Variants in TPTE2 observed in about 807,000 individuals in gnomAD.
TPTE2 encodes the protein phosphatidylinositol 3,4,5-trisphosphate 3-phosphatase TPTE2.
TPTE2 carries 53 observed loss-of-function variants against 78.6 expected under a neutral mutation model. That is an observed-to-expected ratio of 0.67 (90% CI 0.54 to 0.85). The LOEUF is 0.85. Among genes scored for constraint, TPTE2 ranks in the 40% least tolerant of loss-of-function variants. The probability of loss-of-function intolerance (pLI) is 0.00; values close to 1 mark genes in which losing one functional copy is unlikely to be tolerated. For missense variants in TPTE2, 461 were observed against 623.0 expected, an observed-to-expected ratio of 0.74 and a Z score of 2.77; for synonymous variants, 175 against 206.2, an observed-to-expected ratio of 0.85 and a Z score of 1.30.
chr13:19,526,085 G>C (rs2101502), intron 1 of TPTE2, among the ~76,000 whole-genome samples: 35,910 of 151,860 alleles, frequency 0.24, 5,914 homozygotes, highest in African/African-American at 0.47. Flanking sequence ...TACACTACTG[G>C]TGGATATGTA....
chr13:19,536,780 A>G (rs1169399783), upstream of TPTE2: 1 of 151,990 alleles, frequency 6.6e-6, no homozygotes, highest in Non-Finnish European at 1.5e-5. Flanking sequence ...CTTGCTTCCC[A>G]GTCCTTATCT....
In TPTE2 at chr13:19,454,085, C is replaced by T. The variant is rs1478233222; in HGVS notation, c.742-2860G>A. ...GTAGCAGTGGCCAAACTTGTTGATG[C>T]TTCCACCGTAGTGCTTGTTTCTCCA... On this transcript the variant is annotated intron_variant, in intron 10 of 19. Transcript: ENST00000400230. Among the ~76,000 whole-genome samples the T allele has an allele frequency of 1.5e-4, 23 of 152,312 alleles. No individual in the cohort carries two copies. In the East Asian group the frequency reaches 3.3e-3, roughly 22 times the overall value.
chr13:19,543,371 T>C, the TPTE2 span, among the ~76,000 whole-genome samples: 5 of 87,234 alleles, frequency 5.7e-5, no homozygotes, highest in African/African-American at 1.6e-4. Flanking sequence ...TTTTTTTTTT[T>C]CTTAAGAGAG....
chr13:19,502,695 G>A (rs1259868483), intron 1 of TPTE2, among the ~76,000 whole-genome samples: 1 of 151,690 alleles, frequency 6.6e-6, no homozygotes, highest in Non-Finnish European at 1.5e-5. Flanking sequence ...TATACCTAAT[G>A]CTAGATGATG....
At chr13:19,510,738 T>C (rs1362969246) in intron 1 of TPTE2, among the ~76,000 whole-genome samples, 1 of 152,104 alleles carries the variant, frequency 6.6e-6, no homozygotes, top group African/African-American at 2.4e-5. Context: ...TATTCTAAAA[T>C]ATAAAATATT....
chr13:19,493,387 G>A (rs772301982), intron 2 of TPTE2, 61 bp downstream of exon 5: 1 of 1,466,218 alleles, frequency 6.8e-7, no homozygotes, highest in Non-Finnish European at 9.6e-7. Flanking sequence ...GCCTGTGTGT[G>A]TGTATAGTTC....
chr13:19,495,143 A>G (rs1261187959), intron 1 of TPTE2, among the ~76,000 whole-genome samples: 1 of 151,732 alleles, frequency 6.6e-6, no homozygotes, highest in Non-Finnish European at 1.5e-5. Context: ...ACCTCCAATC[A>G]CCTCCTCACT....
chr13:19,468,025 CTTTTTTTTTTTTTTTTTT>C (rs71092364), intron 6 of TPTE2, among the ~76,000 whole-genome samples: 1 of 45,538 alleles, frequency 2.2e-5, no homozygotes, highest in African/African-American at 9.4e-5. Flanking sequence ...GACAGGATCT[CTTTTTTTTTTTTTTTTTT>C]TTTTTTTTTT....
chr13:19,425,061 T>A, intron 18 of TPTE2, 44 bp from the exon 22 acceptor site: 1 of 969,682 alleles, frequency 1.0e-6, no homozygotes, highest in Non-Finnish European at 1.6e-6. Flanking sequence ...CACCAGGAAC[T>A]AATCATTCCA....
the TPTE2 span, among the ~76,000 whole-genome samples, chr13:19,554,813 A>G: frequency 6.6e-6 from 1 of 152,196 alleles, no homozygotes; most frequent in Admixed American, 6.5e-5. Flanking sequence ...ATGTGCAGAA[A>G]TGTGTCTAAC....
the TPTE2 span, among the ~76,000 whole-genome samples, chr13:19,542,894 G>C: frequency 6.6e-6 from 1 of 151,732 alleles, no homozygotes; most frequent in Non-Finnish European, 1.5e-5. Context: ...GGAAGGCTGC[G>C]GTGGGAGAAT....
upstream of TPTE2, chr13:19,503,393 G>A (rs1407725159): frequency 1.8e-6 from 2 of 1,083,714 alleles, no homozygotes; most frequent in Non-Finnish European, 2.7e-6. Context: ...GACTATTCAT[G>A]TGTATAGCAC....
At chr13:19,469,478 T>G (rs542284945) in intron 6 of TPTE2, among the ~76,000 whole-genome samples, 2 of 152,176 alleles carry the variant, frequency 1.3e-5, no homozygotes, top group Non-Finnish European at 2.9e-5. Context: ...GCTTTGTTCT[T>G]TTTGCTTAGA....
chr13:19,432,975 A>G (rs1940599361), intron 15 of TPTE2, among the ~76,000 whole-genome samples: 1 of 152,212 alleles, frequency 6.6e-6, no homozygotes, highest in Non-Finnish European at 1.5e-5. Flanking sequence ...GAATGGTATA[A>G]GTGAAAACTC....
At chr13:19,558,881 AT>A in the TPTE2 span, among the ~76,000 whole-genome samples, 602 of 152,314 alleles carry the variant, frequency 4.0e-3, 6 homozygotes, top group African/African-American at 0.014. Context: ...ACAAAGATTC[AT>A]TTTTTTACAA....
At chr13:19,531,770 T>C (rs1870889855) in intron 1 of TPTE2, among the ~76,000 whole-genome samples, 1 of 151,570 alleles carries the variant, frequency 6.6e-6, no homozygotes, top group African/African-American at 2.4e-5. Flanking sequence ...CTACTAAAAA[T>C]ACAAAAATTA....
intron 1 of TPTE2, among the ~76,000 whole-genome samples, chr13:19,524,142 A>C (rs1870358572): frequency 6.6e-6 from 1 of 152,182 alleles, no homozygotes; most frequent in Admixed American, 6.5e-5. Flanking sequence ...AAACCTGACA[A>C]AGTAGGGAAC....
At chr13:19,439,071 C>G (rs1877312791) in intron 13 of TPTE2, among the ~76,000 whole-genome samples, 1 of 152,182 alleles carries the variant, frequency 6.6e-6, no homozygotes, top group Non-Finnish European at 1.5e-5. Context: ...GGACTGGCAG[C>G]AGGACAACAC....
intron 14 of TPTE2, among the ~76,000 whole-genome samples, chr13:19,437,374 G>T (rs1877173011): frequency 6.6e-6 from 1 of 152,156 alleles, no homozygotes; most frequent in African/African-American, 2.4e-5. Flanking sequence ...ATGGCAGAAA[G>T]AAAAATGACT....
Sources: gnomAD v4.1 joint callset for allele counts (sites outside exome capture counted in the v4.1 genomes callset) on GRCh38, gnomAD v4.1.1 for gene constraint, MANE v1.5 for transcripts, NCBI Gene and HGNC (gene_info 2026-07-23, HGNC 2026-07-21) for gene names.